The following EFCAB5 variants were observed in gnomAD, a reference collection of about 807,000 sequenced individuals.
The protein encoded by EFCAB5 is EF-hand calcium-binding domain-containing protein 5.
In EFCAB5, 131 loss-of-function variants were observed where a neutral mutation model predicts 167.9. The observed-to-expected ratio is 0.78, with a 90% CI of 0.68 to 0.90. EFCAB5 has a LOEUF of 0.90. EFCAB5 is among the 40% of genes least tolerant of loss of function. The probability of loss-of-function intolerance (pLI) is 0.00; values close to 1 mark genes in which losing one functional copy is unlikely to be tolerated. For synonymous variants in EFCAB5, 574 were observed against 602.8 expected (o/e 0.95, Z 0.70); for missense variants, 1,663 against 1,745.2 (o/e 0.95, Z 0.84).
At chr17:29,973,480 C>CTTTTT (rs35478169) in intron 4 of EFCAB5, among the ~76,000 whole-genome samples, 1 of 135,560 alleles carries the variant, frequency 7.4e-6, no homozygotes, top group African/African-American at 2.7e-5. Context: ...TTCCTTTTTC[C>CTTTTT]TTTTTTTTTT....
upstream of EFCAB5, among the ~76,000 whole-genome samples, chr17:29,939,169 T>C (rs1175145224): frequency 2.0e-5 from 3 of 152,146 alleles, no homozygotes; most frequent in Non-Finnish European, 4.4e-5. Context: ...TCAGAGCTCT[T>C]AGGTGACCAA....
At chr17:29,938,049 T>A (rs1597548545), upstream of EFCAB5, among the ~76,000 whole-genome samples, 1 of 152,280 alleles carries the variant, frequency 6.6e-6, no homozygotes, top group South Asian at 2.1e-4. Flanking sequence ...CACCTTTCAA[T>A]TAAGGAACTG....
At position 29,999,963 on chromosome 17, in the gene EFCAB5, T is replaced by C; in HGVS notation, c.1031T>C (p.Met344Thr). 6.4e-7 allele frequency: 1 copy of C among 1,574,088 alleles called. No homozygotes were observed. Among genetic ancestry groups the C allele is most frequent in the South Asian group, 1.2e-5 (1 of 85,472 alleles). Residue 344 changes from methionine (M) to threonine (T), a missense_variant, in exon 7 of 23, where the codon ATG becomes ACG. Physicochemically the swap from Met to Thr is moderately conservative, Grantham distance 81. Transcript: ENST00000394835. The part of the protein sequence containing the change: ...TDSTEPRLNK[M>T]EFTEYISSHI... ...TCAACAGAACCAAGATTGAACAAAA[T>C]GGAATTTACAGAAGTAAGAGTTACA...
chr17:30,081,853 A>T (rs2070994051), intron 17 of EFCAB5, among the ~76,000 whole-genome samples: 1 of 152,242 alleles, frequency 6.6e-6, no homozygotes, highest in African/African-American at 2.4e-5. Context: ...GTATGGAGTT[A>T]TCAGTAGGTG....
chr17:30,072,741 A>G (rs147398071), intron 14 of EFCAB5, among the ~76,000 whole-genome samples: 12 of 152,340 alleles, frequency 7.9e-5, no homozygotes, highest in Middle Eastern at 3.4e-3. Context: ...CAAAAGTCCT[A>G]TAGTAATAAC....
chr17:30,083,139 T>G, intron 18 of EFCAB5, 96 bp downstream of exon 18: 1 of 1,414,716 alleles, frequency 7.1e-7, no homozygotes, highest in Non-Finnish European at 9.4e-7. Flanking sequence ...AATTAGCTAT[T>G]AGTCTAAAGG....
At chr17:29,964,532 A>G (rs2067788086) in intron 3 of EFCAB5, among the ~76,000 whole-genome samples, 1 of 152,104 alleles carries the variant, frequency 6.6e-6, no homozygotes. Flanking sequence ...TGACCTCATG[A>G]TCTGCCTGCC....
At chr17:30,069,048 T>G in intron 14 of EFCAB5, 2 of 1,404,026 alleles carry the variant, frequency 1.4e-6, no homozygotes, top group South Asian at 2.3e-5. Flanking sequence ...TCATTGAAGA[T>G]TACTTAAAAA....
chr17:29,981,900 A>T (rs1471900172), intron 4 of EFCAB5, among the ~76,000 whole-genome samples: 2 of 152,188 alleles, frequency 1.3e-5, no homozygotes, highest in Non-Finnish European at 2.9e-5. Context: ...TTATCATTTT[A>T]TAAAATTCTG....
chr17:30,012,135 C>T (rs1197952283), intron 7 of EFCAB5, among the ~76,000 whole-genome samples: 1 of 152,084 alleles, frequency 6.6e-6, no homozygotes, highest in East Asian at 1.9e-4. Flanking sequence ...GGGAAGACGC[C>T]CATTGCCAGG....
intron 7 of EFCAB5, among the ~76,000 whole-genome samples, chr17:30,029,514 T>C (rs905431534): frequency 1.3e-5 from 2 of 152,108 alleles, no homozygotes; most frequent in African/African-American, 2.4e-5. Flanking sequence ...AATTGTTAAA[T>C]TGAACCATCA....
chr17:29,964,031 G>A (rs905756653), intron 3 of EFCAB5, among the ~76,000 whole-genome samples: 1 of 150,998 alleles, frequency 6.6e-6, no homozygotes, highest in African/African-American at 2.4e-5. Flanking sequence ...GGCCTCACTG[G>A]GAACAGATGC....
chr17:29,944,622 G>GTTTTTTTTTTTTTTTTTTTTTCTTTTTTT (rs1442294530), intron 3 of EFCAB5, among the ~76,000 whole-genome samples: 1 of 134,172 alleles, frequency 7.5e-6, no homozygotes, highest in South Asian at 2.4e-4. Context: ...TTTCTGTTTT[G>GTTTTTTTTTTTTTTTTTTTTTCTTTTTTT]TTTTGTTTTT....
chr17:30,107,737 T>C, intron 22 of EFCAB5, 97 bp from the exon 23 acceptor site: 2 of 1,090,560 alleles, frequency 1.8e-6, no homozygotes, highest in Non-Finnish European at 1.2e-6. Flanking sequence ...ACTCAAAACA[T>C]ATCTAATGAA....
chr17:30,027,186 C>A (rs1350274439), intron 7 of EFCAB5, among the ~76,000 whole-genome samples: 1 of 150,068 alleles, frequency 6.7e-6, no homozygotes, highest in Non-Finnish European at 1.5e-5. Context: ...AGGGTTTCAC[C>A]GTGTTAGCCA....
chr17:29,962,277 T>C (rs1047680478), intron 3 of EFCAB5, among the ~76,000 whole-genome samples: 1 of 152,218 alleles, frequency 6.6e-6, no homozygotes, highest in Non-Finnish European at 1.5e-5. Flanking sequence ...TTGGGTAGAA[T>C]TGATATCTTA....
chr17:30,014,026 G>T (rs1418273505), intron 7 of EFCAB5, among the ~76,000 whole-genome samples: 2 of 152,202 alleles, frequency 1.3e-5, no homozygotes, highest in Non-Finnish European at 2.9e-5. Flanking sequence ...TGGTTTCAAA[G>T]AACATCTTTA....
chr17:29,938,805 A>G (rs368706666), upstream of EFCAB5, among the ~76,000 whole-genome samples: 8 of 152,288 alleles, frequency 5.3e-5, no homozygotes, highest in African/African-American at 1.9e-4. Flanking sequence ...TTCTTTTGCT[A>G]TTTCCATTAC....
chr17:29,938,169 A>G (rs2067261400), upstream of EFCAB5, among the ~76,000 whole-genome samples: 1 of 151,752 alleles, frequency 6.6e-6, no homozygotes, highest in African/African-American at 2.4e-5. Flanking sequence ...TACAATAAAG[A>G]GAACATCACA....
Sources: allele counts gnomAD v4.1 joint callset (sites outside exome capture counted in the v4.1 genomes callset), GRCh38; gene constraint gnomAD v4.1.1; transcripts MANE v1.5; gene names NCBI Gene and HGNC (gene_info 2026-07-23, HGNC 2026-07-21).